The following ARHGAP20 variants were observed in gnomAD, a reference collection of about 807,000 sequenced individuals.
ARHGAP20 encodes Rho GTPase activating protein 20.
A neutral mutation model predicts 73.7 loss-of-function variants in ARHGAP20; 34 were observed. The ratio of observed to expected loss-of-function variants is 0.46; its 90% CI spans 0.35 to 0.61. The LOEUF (loss-of-function observed/expected upper bound fraction) is 0.61, where lower values mean the gene tolerates loss of function less well. Among genes scored for constraint, ARHGAP20 ranks in the 20% least tolerant of loss-of-function variants. The pLI is 0.00. For synonymous variants in ARHGAP20, 523 were observed against 518.2 expected (o/e 1.01, Z -0.13); for missense variants, 1,314 against 1,420.9 (o/e 0.92, Z 1.21).
intron 4 of ARHGAP20, among the ~76,000 whole-genome samples, chr11:110,622,076 A>G (rs1948641089): frequency 6.6e-6 from 1 of 152,142 alleles, no homozygotes; most frequent in Admixed American, 6.5e-5. Context: ...CTTCTCTGCT[A>G]CTTTCCTTTT....
chr11:110,644,307 C>G (rs1949138171), intron 2 of ARHGAP20, among the ~76,000 whole-genome samples: 1 of 151,958 alleles, frequency 6.6e-6, no homozygotes, highest in African/African-American at 2.4e-5. Flanking sequence ...AGAAACTATT[C>G]CAAAATTCAA....
chr11:110,609,053 TAGAGATA>T lies in ARHGAP20; in HGVS notation c.709-10_709-4del. The T allele has an allele frequency of 6.2e-7, 1 of 1,612,114 alleles. No homozygotes were observed. Among genetic ancestry groups the T allele is most frequent in the African/African-American group, 1.3e-5 (1 of 74,980 alleles). ...AACTGGTAATCTCTCTCAGAGCCCT[TAGAGATA>T]AAAGAGTTAAATGTCACAATAAATC... On this transcript the variant is annotated splice_polypyrimidine_tract_variant and splice_region_variant and intron_variant, in intron 7 of 14. Coordinates refer to ENST00000683387, the MANE Select transcript of ARHGAP20 (RefSeq NM_001384657.1).
intron 13 of ARHGAP20, 71 bp downstream of exon 13, chr11:110,583,477 G>T: frequency 7.6e-7 from 1 of 1,313,866 alleles, no homozygotes; most frequent in Non-Finnish European, 1.0e-6. Flanking sequence ...TCATCTTTTA[G>T]AATACCCCAA....
intron 13 of ARHGAP20, among the ~76,000 whole-genome samples, chr11:110,582,724 T>C (rs916839343): frequency 6.6e-6 from 1 of 152,246 alleles, no homozygotes; most frequent in Non-Finnish European, 1.5e-5. Context: ...TATTTTGTTA[T>C]TAAAATTTAT....
At chr11:110,626,370 G>A (rs1192252925) in intron 3 of ARHGAP20, among the ~76,000 whole-genome samples, 2 of 152,090 alleles carry the variant, frequency 1.3e-5, no homozygotes, top group Admixed American at 1.3e-4. Context: ...TCCAAAACAA[G>A]CAACTGTCTA....
chr11:110,601,936 G>A (rs910103786), intron 9 of ARHGAP20, among the ~76,000 whole-genome samples: 2 of 151,254 alleles, frequency 1.3e-5, no homozygotes, highest in African/African-American at 2.4e-5. Context: ...AGCAGAGATC[G>A]TGCCATTGTA....
At chr11:110,641,087 T>C (rs555925609) in intron 2 of ARHGAP20, among the ~76,000 whole-genome samples, 9 of 151,902 alleles carry the variant, frequency 5.9e-5, no homozygotes, top group Non-Finnish European at 1.2e-4. Flanking sequence ...GCAAGAAATA[T>C]ATAAAGGAGC....
intron 4 of ARHGAP20, among the ~76,000 whole-genome samples, chr11:110,618,671 A>C (rs892076433): frequency 2.0e-5 from 3 of 151,646 alleles, no homozygotes; most frequent in African/African-American, 7.3e-5. Flanking sequence ...ATATGCAGTG[A>C]TAGAGTATAT....
intron 1 of ARHGAP20, among the ~76,000 whole-genome samples, chr11:110,696,512 G>A (rs1255095990): frequency 6.6e-6 from 1 of 151,456 alleles, no homozygotes; most frequent in Non-Finnish European, 1.5e-5. Context: ...GTCCATTTGA[G>A]TTCTTCAGAG....
intron 3 of ARHGAP20, among the ~76,000 whole-genome samples, chr11:110,625,033 T>TTTA (rs564888673): frequency 4.2e-4 from 29 of 69,216 alleles, no homozygotes; most frequent in African/African-American, 1.1e-3. Flanking sequence ...TTTATTTTTA[T>TTTA]TTTTTTTTTT....
At chr11:110,634,693 T>C (rs1206222018) in intron 2 of ARHGAP20, among the ~76,000 whole-genome samples, 1 of 152,140 alleles carries the variant, frequency 6.6e-6, no homozygotes, top group East Asian at 1.9e-4. Context: ...GACTAGAAGA[T>C]CTTTAAATAT....
chr11:110,644,362 A>G lies in ARHGAP20; in HGVS notation c.189-13570T>C, dbSNP rs116256629. Among the ~76,000 whole-genome samples the G allele has an allele frequency of 4.7e-3, 710 of 152,322 alleles. 5 individuals carry two copies. Among genetic ancestry groups the G allele is most frequent in the African/African-American group, 0.016 (656 of 41,576 alleles). Reference sequence around the variant, plus strand: ...GAAATAGTCAAAGCAATCCTAAGTAATAAGAACAAAGCTGGAGGCATCACA... The same window carrying G: ...GAAATAGTCAAAGCAATCCTAAGTAGTAAGAACAAAGCTGGAGGCATCACA... On this transcript the variant is annotated intron_variant, in intron 2 of 14. Transcript: ENST00000683387.
chr11:110,666,542 T>C (rs537947731), intron 2 of ARHGAP20, among the ~76,000 whole-genome samples: 1 of 152,334 alleles, frequency 6.6e-6, no homozygotes, highest in African/African-American at 2.4e-5. Flanking sequence ...ACCCAATTGA[T>C]TGTAAACATA....
chr11:110,614,696 G>T, intron 5 of ARHGAP20, 51 bp from the exon 6 acceptor site: 1 of 1,159,130 alleles, frequency 8.6e-7, no homozygotes, highest in Non-Finnish European at 1.2e-6. Flanking sequence ...GATGGAATTC[G>T]CTAATGGCTT....
chr11:110,682,020 A>G (rs1204429886), intron 2 of ARHGAP20, among the ~76,000 whole-genome samples: 1 of 152,224 alleles, frequency 6.6e-6, no homozygotes, highest in Non-Finnish European at 1.5e-5. Context: ...CTACATAGGG[A>G]GAACTCAAAA....
intron 2 of ARHGAP20, among the ~76,000 whole-genome samples, chr11:110,641,713 A>G (rs1949082232): frequency 6.6e-6 from 1 of 152,104 alleles, no homozygotes; most frequent in African/African-American, 2.4e-5. Flanking sequence ...AAAGCAAAAC[A>G]AAATGAAACA....
intron 2 of ARHGAP20, among the ~76,000 whole-genome samples, chr11:110,685,647 C>T (rs545854858): frequency 5.3e-5 from 8 of 152,160 alleles, no homozygotes; most frequent in African/African-American, 1.9e-4. Context: ...AGCTCTTGTT[C>T]ATTAAATTAT....
At chr11:110,683,102 C>T (rs1950067597) in intron 2 of ARHGAP20, among the ~76,000 whole-genome samples, 1 of 152,110 alleles carries the variant, frequency 6.6e-6, no homozygotes, top group Non-Finnish European at 1.5e-5. Context: ...AAAGTGGTAA[C>T]AGGTTGTTAC....
At chr11:110,686,318 GA>G (rs1268399340) in intron 2 of ARHGAP20, among the ~76,000 whole-genome samples, 1 of 151,880 alleles carries the variant, frequency 6.6e-6, no homozygotes, top group Non-Finnish European at 1.5e-5. Flanking sequence ...CAAGAGACTT[GA>G]AAAGAACTAA....
Sources: allele counts gnomAD v4.1 joint callset (sites outside exome capture counted in the v4.1 genomes callset), GRCh38; gene constraint gnomAD v4.1.1; transcripts MANE v1.5; gene names NCBI Gene and HGNC (gene_info 2026-07-23, HGNC 2026-07-21).